Variants in NINL observed in about 807,000 individuals in gnomAD.
NINL encodes ninein-like protein.
NINL carries 153 observed loss-of-function variants against 160.3 expected under a neutral mutation model. That is an observed-to-expected ratio of 0.95 (90% CI 0.84 to 1.09). The LOEUF (loss-of-function observed/expected upper bound fraction) is 1.09. Among genes scored for constraint, NINL ranks in the 50% least tolerant of loss-of-function variants. NINL has a pLI of 0.00. For synonymous variants in NINL, 800 were observed against 734.8 expected (o/e 1.09, Z -1.43); for missense variants, 1,829 against 1,764.0 (o/e 1.04, Z -0.66).
chr20:25,560,632 C>T (rs144745987), intron 1 of NINL, among the ~76,000 whole-genome samples: 1 of 152,086 alleles, frequency 6.6e-6, no homozygotes, highest in African/African-American at 2.4e-5. Context: ...TCTTTTTCTC[C>T]AGGAATCTAT....
intron 14 of NINL, 63 bp from the exon 15 acceptor site, chr20:25,480,330 C>T: frequency 1.5e-6 from 2 of 1,292,406 alleles, no homozygotes; most frequent in Non-Finnish European, 2.2e-6. Context: ...CCTTCCAAAC[C>T]TTCCAATCTG....
chr20:25,585,121 C>T (rs991498999), intron 1 of NINL, among the ~76,000 whole-genome samples: 2 of 152,192 alleles, frequency 1.3e-5, no homozygotes, highest in African/African-American at 2.4e-5. Flanking sequence ...CAAGGCCGCC[C>T]GCCTCAGGCC....
chr20:25,572,315 T>A (rs2065063516), intron 1 of NINL, among the ~76,000 whole-genome samples: 1 of 152,044 alleles, frequency 6.6e-6, no homozygotes, highest in African/African-American at 2.4e-5. Flanking sequence ...GAGATTTTCT[T>A]AACACTCCCT....
At chr20:25,505,943 T>A (rs1318550050) in intron 5 of NINL, among the ~76,000 whole-genome samples, 1 of 152,244 alleles carries the variant, frequency 6.6e-6, no homozygotes, top group Non-Finnish European at 1.5e-5. Context: ...AAGAGAACCT[T>A]CTATGGTCAG....
chr20:25,565,467 G>A (rs146873707), intron 1 of NINL, among the ~76,000 whole-genome samples: 5 of 152,216 alleles, frequency 3.3e-5, no homozygotes, highest in Admixed American at 1.3e-4. Context: ...AGAAACTTCT[G>A]AAGTTCACAG....
chr20:25,526,496 T>C lies in NINL; in HGVS notation c.92A>G (p.Glu31Gly). ...AAGCTTAAGGCAGAGCTGGGTCAGCTCCTGGCGGTCCAGAAAGCCAGTCCC... is the reference window on the plus strand; with the variant it reads ...AAGCTTAAGGCAGAGCTGGGTCAGCCCCTGGCGGTCCAGAAAGCCAGTCCC... The part of the protein sequence containing the change: ...TTGTGFLDRQ[E>G]LTQLCLKLHL... The change falls in exon 2 of 24, where the codon GAG (glutamate) becomes GGG (glycine). Residue 31 changes from glutamate (E) to glycine (G), a missense_variant. By Grantham distance (98) the Glu-to-Gly change is moderately conservative (BLOSUM62 -2). Coordinates refer to ENST00000278886, the MANE Select transcript of NINL (RefSeq NM_025176.6). 1 of 1,614,214 alleles carries C rather than the reference T, an allele frequency of 6.2e-7. No homozygotes were observed. The highest frequency in any genetic ancestry group is 8.5e-7 in the Non-Finnish European group (1 of 1,180,026).
chr20:25,476,852 G>A lies in NINL; in HGVS notation c.2439C>T (p.Arg813=), dbSNP rs570814709. 9.3e-6 allele frequency: 15 copies of A among 1,613,326 alleles called. No individual in the cohort carries two copies. The highest frequency in any genetic ancestry group is 2.2e-5 in the East Asian group (1 of 44,860). Residue 813 remains arginine (R), a synonymous_variant, in exon 17 of 24, where the codon CGC becomes CGT. Coordinates refer to ENST00000278886, the MANE Select transcript of NINL (RefSeq NM_025176.6). Reference sequence around the variant, plus strand: ...GGGAGGGCCCGTCCACTCGCTTCCCGCGGGCAAGCTCCAACTCCTCCTCCT... The same window carrying A: ...GGGAGGGCCCGTCCACTCGCTTCCCACGGGCAAGCTCCAACTCCTCCTCCT... ...ALEEEELELA[R]GKRVDGPSLE...
At chr20:25,494,619 C>T (rs1412120059) in intron 10 of NINL, among the ~76,000 whole-genome samples, 1 of 152,190 alleles carries the variant, frequency 6.6e-6, no homozygotes, top group African/African-American at 2.4e-5. Flanking sequence ...CGAACAGAGG[C>T]GGGGTGAGGC....
intron 1 of NINL, among the ~76,000 whole-genome samples, chr20:25,550,996 C>A (rs1192015014): frequency 6.6e-6 from 1 of 152,174 alleles, no homozygotes. Context: ...AAACCTTGGA[C>A]AATACCCAGG....
At chr20:25,526,346 G>T in intron 2 of NINL, 62 bp downstream of exon 2, 1 of 1,398,230 alleles carries the variant, frequency 7.2e-7, no homozygotes, top group Non-Finnish European at 9.8e-7. Flanking sequence ...TTTATCAAAT[G>T]CCCATAAGAG....
At chr20:25,527,917 T>C (rs2064387577) in intron 1 of NINL, among the ~76,000 whole-genome samples, 1 of 152,178 alleles carries the variant, frequency 6.6e-6, no homozygotes, top group Admixed American at 6.5e-5. Context: ...CAGAATATTA[T>C]TTATATAAGG....
Position 25,470,724 on chromosome 20 carries a change from G to A in NINL, c.3249-629C>T, listed in dbSNP as rs572292620. On this transcript the variant is annotated intron_variant, in intron 17 of 23. Transcript: ENST00000278886. ...AGATCACTAATGGGAGCCAGGAGTG[G>A]CGGCATGCATCTGTAATCCCAGCTA... 5.9e-5 allele frequency among the ~76,000 whole-genome samples: 9 copies of A among 152,288 alleles called. No individual in the cohort carries two copies. In the South Asian group the frequency reaches 6.2e-4, roughly 11 times the overall value.
intron 13 of NINL, among the ~76,000 whole-genome samples, chr20:25,485,484 C>T (rs1182346429): frequency 6.6e-6 from 1 of 152,254 alleles, no homozygotes; most frequent in Non-Finnish European, 1.5e-5. Context: ...CACACAAGCA[C>T]TGGGCCGTGA....
At chr20:25,530,934 G>A (rs766487579) in intron 1 of NINL, among the ~76,000 whole-genome samples, 2 of 152,180 alleles carry the variant, frequency 1.3e-5, no homozygotes, top group Non-Finnish European at 2.9e-5. Context: ...GCAGACAACC[G>A]GTCTGACGAA....
intron 4 of NINL, 36 bp downstream of exon 4, chr20:25,512,798 A>G: frequency 6.3e-7 from 1 of 1,575,726 alleles, no homozygotes; most frequent in Non-Finnish European, 8.6e-7. Flanking sequence ...TATTCCCAAC[A>G]CTGGGCAGCT....
chr20:25,477,926 C>T (rs1418492850), intron 16 of NINL, among the ~76,000 whole-genome samples: 2 of 143,158 alleles, frequency 1.4e-5, no homozygotes, highest in Admixed American at 7.0e-5. Context: ...GGACAGACGA[C>T]TTTTTTTTTT....
intron 2 of NINL, 36 bp from the exon 3 acceptor site, chr20:25,517,885 T>TTTAAA: frequency 7.4e-7 from 1 of 1,345,272 alleles, no homozygotes; most frequent in Non-Finnish European, 1.0e-6. Context: ...ACAATGTCAC[T>TTTAAA]TTCAACAGAT....
intron 17 of NINL, 142 bp downstream of exon 17, chr20:25,475,901 G>T: frequency 1.2e-6 from 1 of 822,920 alleles, no homozygotes; most frequent in Non-Finnish European, 1.9e-6. Context: ...TACTCAGGCT[G>T]AAGGGCTACA....
At chr20:25,549,481 C>T (rs2064781364) in intron 1 of NINL, among the ~76,000 whole-genome samples, 1 of 152,280 alleles carries the variant, frequency 6.6e-6, no homozygotes. Flanking sequence ...GACACTGTCT[C>T]TCTGGCCGTT....
Sources: allele counts gnomAD v4.1 joint callset (sites outside exome capture counted in the v4.1 genomes callset), GRCh38; gene constraint gnomAD v4.1.1; transcripts MANE v1.5; gene names NCBI Gene and HGNC (gene_info 2026-07-23, HGNC 2026-07-21).